The following RNF17 variants were observed in gnomAD, a reference collection of about 807,000 sequenced individuals.
RNF17 encodes ring finger protein 17, also known as spermatogenesis associated 23.
RNF17 carries 31 observed loss-of-function variants against 200.5 expected under a neutral mutation model. That is an observed-to-expected ratio of 0.15 (90% CI 0.12 to 0.21). The LOEUF (loss-of-function observed/expected upper bound fraction) is 0.21. Ranked by LOEUF, RNF17 falls within the 10% of genes least tolerant of loss-of-function variation. The probability of loss-of-function intolerance (pLI) is 1.00; values close to 1 mark genes in which losing one functional copy is unlikely to be tolerated. For missense variants in RNF17, 1,628 were observed against 1,905.1 expected, an observed-to-expected ratio of 0.85 and a Z score of 2.71; for synonymous variants, 606 against 637.8, an observed-to-expected ratio of 0.95 and a Z score of 0.75.
chr13:24,752,890 C>T, the RNF17 span, among the ~76,000 whole-genome samples: 2 of 152,330 alleles, frequency 1.3e-5, no homozygotes, highest in South Asian at 2.1e-4. Context: ...GAATCTTCGG[C>T]GTGGCCTGCG....
intron 18 of RNF17, among the ~76,000 whole-genome samples, chr13:24,834,662 A>T (rs1317013046): frequency 6.6e-6 from 1 of 152,182 alleles, no homozygotes; most frequent in Non-Finnish European, 1.5e-5. Flanking sequence ...GGGGTAGAAG[A>T]AGCAGCAGAA....
At chr13:24,828,852 G>GC (rs548806897) in intron 16 of RNF17, among the ~76,000 whole-genome samples, 3 of 151,350 alleles carry the variant, frequency 2.0e-5, no homozygotes, top group Non-Finnish European at 4.4e-5. Context: ...TGTTATCCAG[G>GC]CTGGAGTGCA....
chr13:24,812,674 G>GC (rs71186848), intron 15 of RNF17, among the ~76,000 whole-genome samples: 5,434 of 23,820 alleles, frequency 0.23, 936 homozygotes, highest in Middle Eastern at 0.29. Context: ...TCCCCTCCCC[G>GC]CCCCACCCCC....
intron 15 of RNF17, among the ~76,000 whole-genome samples, chr13:24,820,121 C>CTT (rs200683421): frequency 1.8e-5 from 2 of 113,302 alleles, no homozygotes; most frequent in African/African-American, 6.3e-5. Context: ...TTTCTTTTTT[C>CTT]TTTTTTTTTT....
rs1336577294 is a variant in RNF17 at position 24,845,207 on chromosome 13, AAG to A, written c.3101+134_3101+135del. On this transcript the variant is annotated intron_variant, in intron 22 of 35. Transcript: ENST00000255324. Reference sequence around the variant, plus strand: ...AGTTAATTTTGGACTTCAAGAGGGAAAGAGAGAAGTTTGGAGCACGTAAATTT... The same window carrying A: ...AGTTAATTTTGGACTTCAAGAGGGAAAGAGAAGTTTGGAGCACGTAAATTT... 8 of 594,672 alleles carry A rather than the reference AAG, an allele frequency of 1.3e-5. 1 individual carries two copies. The South Asian group carries it at 1.6e-4, about 12-fold the overall frequency. 36.8% of individuals were successfully genotyped at this position (594,672 alleles called of 1,614,324 possible).
At chr13:24,884,449 A>G (rs1210102520), downstream of RNF17, 2 of 1,614,140 alleles carry the variant, frequency 1.2e-6, no homozygotes, top group Admixed American at 3.3e-5. Context: ...ACCCATTCTT[A>G]TAAACCTTTT....
chr13:24,862,006 A>G (rs1455243680), intron 27 of RNF17, among the ~76,000 whole-genome samples: 1 of 147,680 alleles, frequency 6.8e-6, no homozygotes, highest in Non-Finnish European at 1.5e-5. Context: ...ACAAGGTTGC[A>G]GGAGAAAAAG....
At chr13:24,756,386 T>A in the RNF17 span, among the ~76,000 whole-genome samples, 2 of 152,178 alleles carry the variant, frequency 1.3e-5, no homozygotes, top group Non-Finnish European at 2.9e-5. Flanking sequence ...AAAATTTGAC[T>A]ACATGAAAAA....
In RNF17 at chr13:24,790,861, C is replaced by A. The variant is rs1020097500; in HGVS notation, c.935+1089C>A. Among the ~76,000 whole-genome samples, 3 of 152,188 alleles carry A rather than the reference C, an allele frequency of 2.0e-5. No individual in the cohort carries two copies. The East Asian group carries it at 5.8e-4, about 29-fold the overall frequency. On this transcript the variant is annotated intron_variant, in intron 9 of 35. Coordinates refer to ENST00000255324, the MANE Select transcript of RNF17 (RefSeq NM_031277.3). ...AGGGCATAAGCTAGTTCCCTCCAGA[C>A]TTGTTGTAAGGCACAAATCCATTCA...
chr13:24,804,694 A>G (rs1256629634), intron 15 of RNF17, among the ~76,000 whole-genome samples: 1 of 152,208 alleles, frequency 6.6e-6, no homozygotes, highest in Non-Finnish European at 1.5e-5. Flanking sequence ...ATATAGAGTT[A>G]GCAAATAGAA....
intron 16 of RNF17, 172 bp downstream of exon 16, chr13:24,825,944 T>C: frequency 3.0e-6 from 3 of 984,050 alleles, no homozygotes; most frequent in Non-Finnish European, 3.6e-6. Context: ...TATCTTCTGA[T>C]ATTTTGTTTG....
At chr13:24,784,873 T>C (rs1248358235) in intron 6 of RNF17, among the ~76,000 whole-genome samples, 1 of 151,630 alleles carries the variant, frequency 6.6e-6, no homozygotes, top group Non-Finnish European at 1.5e-5. Flanking sequence ...GCCCAGCTAA[T>C]TTTTTTTGTA....
At chr13:24,842,992 AAAAAAAG>A (rs1165782909) in intron 19 of RNF17, among the ~76,000 whole-genome samples, 6 of 146,036 alleles carry the variant, frequency 4.1e-5, no homozygotes, top group African/African-American at 1.7e-4. Flanking sequence ...GTCTAAAAAA[AAAAAAAG>A]AAAAAAGAAA....
At chr13:24,781,990 C>A in intron 6 of RNF17, 46 bp downstream of exon 6, 1 of 1,170,182 alleles carries the variant, frequency 8.5e-7, no homozygotes, top group Non-Finnish European at 1.3e-6. Context: ...AAGTTTCTAA[C>A]ACTAACTTGT....
chr13:24,762,542 A>T (rs1194717927), upstream of RNF17, among the ~76,000 whole-genome samples: 2 of 152,200 alleles, frequency 1.3e-5, no homozygotes, highest in African/African-American at 4.8e-5. Flanking sequence ...AGTAGTGGAA[A>T]CTATTGGATG....
intron 10 of RNF17, chr13:24,794,345 G>A (rs1482788764): frequency 2.7e-6 from 1 of 373,412 alleles, no homozygotes; most frequent in African/African-American, 2.2e-5. Flanking sequence ...GAATTTCACT[G>A]ATAACTAAAA....
At chr13:24,775,480 G>A (rs1297730488) in intron 3 of RNF17, among the ~76,000 whole-genome samples, 1 of 152,060 alleles carries the variant, frequency 6.6e-6, no homozygotes, top group African/African-American at 2.4e-5. Flanking sequence ...CAAACTCCTG[G>A]CTTTAAGTGA....
In RNF17 at chr13:24,797,705, A is replaced by AGTGTGTGTGTCTGTGTGT. The variant is rs61635829; in HGVS notation, c.1399+1420_1399+1421insCTGTGTGTGTGTGTGTGT. Among the ~76,000 whole-genome samples the AGTGTGTGTGTCTGTGTGT allele has an allele frequency of 2.7e-3, 323 of 119,074 alleles. 3 individuals are homozygous for AGTGTGTGTGTCTGTGTGT. Among genetic ancestry groups the AGTGTGTGTGTCTGTGTGT allele is most frequent in the Non-Finnish European group, 4.3e-3 (248 of 57,580 alleles). 78.1% of individuals were successfully genotyped at this position (119,074 alleles called of 152,430 possible). ...GAGAGAGAGAGAGAGAGAGACAAAGAGTGTGTGTGTGTGTGTGTGTGTGTG... is the reference window on the plus strand; with the variant it reads ...GAGAGAGAGAGAGAGAGAGACAAAGAGTGTGTGTGTCTGTGTGTGTGTGTGTGTGTGTGTGTGTGTGTG... On this transcript the variant is annotated intron_variant, in intron 11 of 35. Coordinates refer to ENST00000255324, the MANE Select transcript of RNF17 (RefSeq NM_031277.3).
intron 15 of RNF17, among the ~76,000 whole-genome samples, chr13:24,815,567 C>T (rs1014902876): frequency 6.6e-6 from 1 of 151,642 alleles, no homozygotes; most frequent in Non-Finnish European, 1.5e-5. Context: ...TGCCTTTTGT[C>T]TTTTTACCTA....
Sources: allele counts gnomAD v4.1 joint callset (sites outside exome capture counted in the v4.1 genomes callset), GRCh38; gene constraint gnomAD v4.1.1; transcripts MANE v1.5; gene names NCBI Gene and HGNC (gene_info 2026-07-23, HGNC 2026-07-21).